The following ZNF536 variants were observed in gnomAD, a reference collection of about 807,000 sequenced individuals.
ZNF536 encodes the protein zinc finger protein 536.
Under a neutral mutation model 84.5 loss-of-function variants are expected in ZNF536, and 13 were observed. The observed-to-expected ratio is 0.15, with a 90% CI of 0.10 to 0.24. The LOEUF is 0.24. ZNF536 is among the 10% of genes least tolerant of loss of function. ZNF536 has a pLI of 1.00. For missense variants in ZNF536, 1,536 were observed against 1,747.5 expected, an observed-to-expected ratio of 0.88 and a Z score of 2.16; for synonymous variants, 811 against 742.5, an observed-to-expected ratio of 1.09 and a Z score of -1.50.
intron 2 of ZNF536, among the ~76,000 whole-genome samples, chr19:30,522,573 G>A (rs909014694): frequency 6.6e-6 from 1 of 151,738 alleles, no homozygotes; most frequent in Non-Finnish European, 1.5e-5. Context: ...TCCTACATGC[G>A]ACCCTCTAAA....
At chr19:30,324,536 C>T (rs535570513) in intron 2 of ZNF536, among the ~76,000 whole-genome samples, 1 of 152,226 alleles carries the variant, frequency 6.6e-6, no homozygotes, top group African/African-American at 2.4e-5. Context: ...GCACATGCCG[C>T]CATGCCTGGT....
intron 2 of ZNF536, among the ~76,000 whole-genome samples, chr19:30,308,786 G>A (rs919881122): frequency 2.0e-5 from 3 of 152,184 alleles, no homozygotes; most frequent in Non-Finnish European, 4.4e-5. Flanking sequence ...AGCAGTCTGT[G>A]TTTTGTGCGG....
At chr19:30,323,178 G>C (rs1454312427) in intron 2 of ZNF536, among the ~76,000 whole-genome samples, 1 of 152,204 alleles carries the variant, frequency 6.6e-6, no homozygotes, top group Non-Finnish European at 1.5e-5. Context: ...GGGCTTTGCT[G>C]GTAGAATCCA....
At chr19:30,663,704 T>C (rs2050204638) in intron 1 of ZNF536, among the ~76,000 whole-genome samples, 1 of 152,128 alleles carries the variant, frequency 6.6e-6, no homozygotes, top group South Asian at 2.1e-4. Context: ...CTTGGCAAGG[T>C]TTTACAGCAG....
At chr19:30,322,606 C>A (rs1270085419) in intron 2 of ZNF536, among the ~76,000 whole-genome samples, 1 of 152,310 alleles carries the variant, frequency 6.6e-6, no homozygotes, top group South Asian at 2.1e-4. Flanking sequence ...TCCTAAGGAA[C>A]CATCCTTTTC....
intron 2 of ZNF536, among the ~76,000 whole-genome samples, chr19:30,478,379 G>A (rs1338827750): frequency 1.3e-5 from 2 of 152,034 alleles, no homozygotes; most frequent in Non-Finnish European, 1.5e-5. Context: ...TAAGTCCGGG[G>A]TAGGGGGCTT....
chr19:30,610,885 G>A (rs1007063402), intron 1 of ZNF536, among the ~76,000 whole-genome samples: 5 of 152,186 alleles, frequency 3.3e-5, no homozygotes, highest in Non-Finnish European at 7.3e-5. Flanking sequence ...TTATCAAAAT[G>A]TAGCCTCTAC....
intron 1 of ZNF536, among the ~76,000 whole-genome samples, chr19:30,415,680 G>A (rs1192231565): frequency 2.6e-5 from 4 of 151,834 alleles, no homozygotes; most frequent in African/African-American, 2.4e-5. Context: ...GCATGATCTC[G>A]GCTCACTGCA....
At chr19:30,294,942 C>A (rs1339330529) in intron 2 of ZNF536, among the ~76,000 whole-genome samples, 8 of 152,138 alleles carry the variant, frequency 5.3e-5, no homozygotes, top group African/African-American at 1.9e-4. Context: ...CAGTCCTCAG[C>A]CTGGGTGACA....
chr19:30,646,090 A>G (rs1262348538), intron 1 of ZNF536, among the ~76,000 whole-genome samples: 1 of 152,044 alleles, frequency 6.6e-6, no homozygotes, highest in Non-Finnish European at 1.5e-5. Context: ...GATTTCTGCC[A>G]TTATTTTTTC....
At chr19:30,517,257 T>A (rs2044118152) in intron 2 of ZNF536, among the ~76,000 whole-genome samples, 1 of 152,192 alleles carries the variant, frequency 6.6e-6, no homozygotes. Flanking sequence ...AACAGACCCA[T>A]CATAATTACG....
intron 1 of ZNF536, among the ~76,000 whole-genome samples, chr19:30,439,488 G>A (rs756264104): frequency 2.0e-4 from 31 of 152,290 alleles, no homozygotes; most frequent in East Asian, 3.9e-4. Context: ...CTGTTTTGGC[G>A]CAGAGACAGC....
chr19:30,297,944 G>A (rs1041674641), intron 2 of ZNF536, among the ~76,000 whole-genome samples: 1 of 149,036 alleles, frequency 6.7e-6, no homozygotes, highest in African/African-American at 2.5e-5. Context: ...GCAGTGGTGC[G>A]ATCTTGGCTC....
chr19:30,251,751 A>G (rs1332959203), intron 1 of ZNF536, among the ~76,000 whole-genome samples: 1 of 152,128 alleles, frequency 6.6e-6, no homozygotes, highest in African/African-American at 2.4e-5. Flanking sequence ...TTTCCCCCTG[A>G]GTCCCCAAGG....
intron 2 of ZNF536, among the ~76,000 whole-genome samples, chr19:30,334,206 A>G (rs2047306612): frequency 1.3e-5 from 2 of 152,364 alleles, no homozygotes; most frequent in East Asian, 3.9e-4. Flanking sequence ...TCCTGCATGT[A>G]GAAAGAGTCA....
At chr19:30,267,902 C>G (rs1003419541) in intron 1 of ZNF536, among the ~76,000 whole-genome samples, 2 of 151,896 alleles carry the variant, frequency 1.3e-5, no homozygotes, top group Admixed American at 1.3e-4. Context: ...CACACACACA[C>G]AGAAAGAGAG....
chr19:30,323,118 C>G (rs2046911470), intron 2 of ZNF536, among the ~76,000 whole-genome samples: 1 of 151,838 alleles, frequency 6.6e-6, no homozygotes, highest in African/African-American at 2.4e-5. Context: ...AGATCACTCC[C>G]CAGGGCCAGG....
chr19:30,264,377 C>G (rs1459706089), intron 1 of ZNF536, among the ~76,000 whole-genome samples: 1 of 139,910 alleles, frequency 7.1e-6, no homozygotes, highest in Non-Finnish European at 1.5e-5. Context: ...CAGGCCCCCG[C>G]CCCCCGCAGT....
At chr19:30,266,171 C>G (rs1429223916) in intron 1 of ZNF536, among the ~76,000 whole-genome samples, 1 of 152,210 alleles carries the variant, frequency 6.6e-6, no homozygotes, top group African/African-American at 2.4e-5. Flanking sequence ...ATCTCAGCCT[C>G]CTGAGTAGCT....
Sources: gnomAD v4.1 joint callset for allele counts (sites outside exome capture counted in the v4.1 genomes callset) on GRCh38, gnomAD v4.1.1 for gene constraint, MANE v1.5 for transcripts, NCBI Gene and HGNC (gene_info 2026-07-23, HGNC 2026-07-21) for gene names.